The following BCAT1 variants were observed in gnomAD, a reference collection of about 807,000 sequenced individuals.
BCAT1 encodes branched chain amino acid transaminase 1, also known as branched-chain-amino-acid aminotransferase, cytosolic.
Under a neutral mutation model 52.4 loss-of-function variants are expected in BCAT1, and 48 were observed. The observed-to-expected ratio is 0.92, with a 90% CI of 0.73 to 1.16. The LOEUF is 1.16. Ranked by LOEUF, BCAT1 falls within the 50% of genes most tolerant of loss-of-function variation. The probability of loss-of-function intolerance (pLI) is 0.00; values close to 1 mark genes in which losing one functional copy is unlikely to be tolerated. For missense variants in BCAT1, 451 were observed against 457.1 expected, an observed-to-expected ratio of 0.99 and a Z score of 0.12; for synonymous variants, 167 against 161.3, an observed-to-expected ratio of 1.04 and a Z score of -0.27.
intron 1 of BCAT1, among the ~76,000 whole-genome samples, chr12:24,930,293 G>A (rs1943658465): frequency 6.6e-6 from 1 of 152,202 alleles, no homozygotes; most frequent in African/African-American, 2.4e-5. Context: ...CACAGCCTCT[G>A]ACCCCTGGGG....
intron 1 of BCAT1, among the ~76,000 whole-genome samples, chr12:24,943,643 A>G (rs181835425): frequency 2.3e-4 from 35 of 152,234 alleles, no homozygotes; most frequent in African/African-American, 8.4e-4. Context: ...ATTCTTAAGC[A>G]ATTCTAGTAA....
intron 8 of BCAT1, among the ~76,000 whole-genome samples, chr12:24,835,100 T>C (rs1940861256): frequency 6.6e-6 from 1 of 152,244 alleles, no homozygotes; most frequent in African/African-American, 2.4e-5. Context: ...ACTTGGTTGA[T>C]ATTTTTCTTT....
chr12:24,861,973 C>T (rs1199601476), intron 5 of BCAT1, among the ~76,000 whole-genome samples: 1 of 152,200 alleles, frequency 6.6e-6, no homozygotes, highest in Non-Finnish European at 1.5e-5. Flanking sequence ...AGTGCCATGG[C>T]AGTTTACAAA....
At chr12:24,938,799 C>T (rs1250184588) in intron 1 of BCAT1, among the ~76,000 whole-genome samples, 1 of 152,060 alleles carries the variant, frequency 6.6e-6, no homozygotes, top group Non-Finnish European at 1.5e-5. Context: ...TTGTCTTTTC[C>T]ACATACACAG....
intron 7 of BCAT1, among the ~76,000 whole-genome samples, chr12:24,836,837 GGAGA>G (rs962260591): frequency 8.2e-6 from 1 of 122,348 alleles, no homozygotes; most frequent in African/African-American, 3.0e-5. Context: ...AAGGAAGGAA[GGAGA>G]GAGAGAGAAA....
intron 1 of BCAT1, among the ~76,000 whole-genome samples, chr12:24,922,576 C>T (rs1324446217): frequency 1.3e-5 from 2 of 152,080 alleles, no homozygotes; most frequent in South Asian, 2.1e-4. Flanking sequence ...TAATTTATTA[C>T]AGGATAAAAA....
At chr12:24,821,250 T>C (rs780613225) in intron 10 of BCAT1, among the ~76,000 whole-genome samples, 5 of 152,210 alleles carry the variant, frequency 3.3e-5, no homozygotes, top group Non-Finnish European at 5.9e-5. Flanking sequence ...AGTGAGAACA[T>C]AGATTTTTTT....
intron 1 of BCAT1, among the ~76,000 whole-genome samples, chr12:24,925,258 G>A (rs899687264): frequency 9.2e-5 from 14 of 152,134 alleles, no homozygotes; most frequent in Non-Finnish European, 2.1e-4. Context: ...GACTGCAATT[G>A]CAATAGATAC....
intron 5 of BCAT1, among the ~76,000 whole-genome samples, chr12:24,854,587 G>A (rs551499560): frequency 1.1e-4 from 17 of 152,264 alleles, no homozygotes; most frequent in African/African-American, 4.1e-4. Context: ...AATTCATACT[G>A]TGTTTATATA....
At position 24,810,314 on chromosome 12, in the gene BCAT1, T is replaced by G. The variant is rs1457283315; in HGVS notation, c.*7694A>C. On this transcript the variant is annotated 3_prime_UTR_variant, in exon 11 of 11. Transcript: ENST00000261192. ...TTCACTTAAAAATAAATTATCACAA[T>G]ATAAGGCACATATGTATATGGAATC... 6.6e-6 allele frequency: 1 copy of G among 152,112 alleles called. No homozygotes were observed. Among genetic ancestry groups the G allele is most frequent in the Non-Finnish European group, 1.5e-5 (1 of 68,016 alleles). 9.4% of individuals were successfully genotyped at this position (152,112 alleles called of 1,614,324 possible). A position where few individuals can be genotyped will look rare whatever the true frequency, so the allele number is the denominator to read the frequency against.
chr12:24,941,125 A>G (rs1332066623), intron 1 of BCAT1, among the ~76,000 whole-genome samples: 2 of 152,218 alleles, frequency 1.3e-5, no homozygotes, highest in Non-Finnish European at 2.9e-5. Context: ...TAGTGATTGA[A>G]CAGGCTGGCA....
chr12:24,853,461 G>A (rs917197006), intron 5 of BCAT1, among the ~76,000 whole-genome samples: 18 of 151,986 alleles, frequency 1.2e-4, no homozygotes, highest in African/African-American at 4.4e-4. Context: ...GAGGGGGAGG[G>A]GAAAAGTGTT....
At chr12:24,942,285 A>G (rs4963830) in intron 1 of BCAT1, among the ~76,000 whole-genome samples, 38,060 of 152,070 alleles carry the variant, frequency 0.25, 4,874 homozygotes, top group East Asian at 0.33. Flanking sequence ...CTGGGCATGT[A>G]ATCCCAGTAG....
intron 1 of BCAT1, among the ~76,000 whole-genome samples, chr12:24,944,769 A>G (rs552316941): frequency 1.3e-5 from 2 of 152,364 alleles, no homozygotes; most frequent in Admixed American, 1.3e-4. Flanking sequence ...TTTTGCAAGT[A>G]TTTCACAACT....
chr12:24,935,920 AC>A (rs1943747039), intron 1 of BCAT1, among the ~76,000 whole-genome samples: 1 of 152,186 alleles, frequency 6.6e-6, no homozygotes, highest in African/African-American at 2.4e-5. Flanking sequence ...ACTTCTGCCA[AC>A]CTTCTACAAT....
At chr12:24,823,629 A>G (rs1940246550) in intron 10 of BCAT1, among the ~76,000 whole-genome samples, 2 of 152,110 alleles carry the variant, frequency 1.3e-5, no homozygotes, top group African/African-American at 4.8e-5. Context: ...TGCTGTTCTC[A>G]TGATAGTGAG....
chr12:24,900,163 A>G (rs1172813280), intron 2 of BCAT1, among the ~76,000 whole-genome samples: 1 of 152,228 alleles, frequency 6.6e-6, no homozygotes, highest in Non-Finnish European at 1.5e-5. Flanking sequence ...ATTTTTACAC[A>G]TGCCTTATTA....
chr12:24,938,520 G>A (rs892134319), intron 1 of BCAT1, among the ~76,000 whole-genome samples: 3 of 152,166 alleles, frequency 2.0e-5, no homozygotes, highest in Admixed American at 6.5e-5. Context: ...ATTTAACTGG[G>A]TGCTGGGTTG....
intron 1 of BCAT1, among the ~76,000 whole-genome samples, chr12:24,922,997 C>T (rs1346466158): frequency 6.6e-6 from 1 of 152,178 alleles, no homozygotes; most frequent in Admixed American, 6.5e-5. Flanking sequence ...GCACTTAACT[C>T]CTCCAGCAAT....
Sources: allele counts gnomAD v4.1 joint callset (sites outside exome capture counted in the v4.1 genomes callset), GRCh38; gene constraint gnomAD v4.1.1; transcripts MANE v1.5; gene names NCBI Gene and HGNC (gene_info 2026-07-23, HGNC 2026-07-21).